The following NR6A1 variants were observed in gnomAD, a reference collection of about 807,000 sequenced individuals.
NR6A1 encodes the protein retinoic acid receptor-related testis-associated receptor.
Under a neutral mutation model 59.1 loss-of-function variants are expected in NR6A1, and 7 were observed. The observed-to-expected ratio is 0.12, with a 90% CI of 0.07 to 0.22. The LOEUF (loss-of-function observed/expected upper bound fraction) is 0.22. Ranked by LOEUF, NR6A1 falls within the 10% of genes least tolerant of loss-of-function variation. The pLI, the probability that NR6A1 is intolerant of heterozygous loss-of-function variation, is 1.00. For synonymous variants in NR6A1, 243 were observed against 236.1 expected, an observed-to-expected ratio of 1.03 and a Z score of -0.27; for missense variants, 468 against 611.6, an observed-to-expected ratio of 0.77 and a Z score of 2.48.
At chr9:124,569,183 G>A (rs1834367213) in intron 2 of NR6A1, among the ~76,000 whole-genome samples, 1 of 152,134 alleles carries the variant, frequency 6.6e-6, no homozygotes, top group Admixed American at 6.6e-5. Flanking sequence ...AGAAATGACA[G>A]GAGTCACAAC....
chr9:124,720,688 G>C (rs1268292795), intron 2 of NR6A1, among the ~76,000 whole-genome samples: 2 of 152,138 alleles, frequency 1.3e-5, no homozygotes, highest in South Asian at 2.1e-4. Flanking sequence ...GCAAAGAGTG[G>C]TCCCGGTTGA....
intron 1 of NR6A1, among the ~76,000 whole-genome samples, chr9:124,759,547 A>C (rs1275980794): frequency 6.6e-6 from 1 of 152,238 alleles, no homozygotes; most frequent in Non-Finnish European, 1.5e-5. Context: ...TGAGATAAGC[A>C]AAAGGCTCAT....
intron 2 of NR6A1, among the ~76,000 whole-genome samples, chr9:124,726,488 A>G (rs1419790355): frequency 2.0e-5 from 3 of 152,232 alleles, no homozygotes; most frequent in Admixed American, 1.3e-4. Context: ...CTCACGTTCC[A>G]TGATTGCTTC....
chr9:124,552,519 A>G lies in NR6A1; in HGVS notation c.385+1809T>C, dbSNP rs150748691. ...ATTCATCATCCAGTAAACACAGGGC[A>G]TTCCAACATGTAAACAGCTATGCCA... is the stretch of plus-strand genomic sequence containing the variant. On this transcript the variant is annotated intron_variant, in intron 3 of 9. Coordinates refer to ENST00000487099, the MANE Select transcript of NR6A1 (RefSeq NM_033334.4). Among the ~76,000 whole-genome samples, 401 of 152,346 alleles carry G rather than the reference A, an allele frequency of 2.6e-3. 3 individuals are homozygous for G. Among genetic ancestry groups the G allele is most frequent in the Non-Finnish European group, 4.6e-3 (312 of 68,036 alleles).
rs187699389 is a variant in NR6A1, at chr9:124,725,393, A to T, written c.142+7915T>A. On this transcript the variant is annotated intron_variant, in intron 2 of 9. Coordinates refer to ENST00000487099, the MANE Select transcript of NR6A1 (RefSeq NM_033334.4). ...CTGCTTTATCACACTAAAGGTATTTAAAAAAAAAGAAAAAAAAAAAGCCAA... is the reference window on the plus strand; with the variant it reads ...CTGCTTTATCACACTAAAGGTATTTTAAAAAAAAGAAAAAAAAAAAGCCAA... Among the ~76,000 whole-genome samples, 913 of 150,274 alleles carry T rather than the reference A, an allele frequency of 6.1e-3. 6 individuals are homozygous for T. The highest frequency in any genetic ancestry group is 0.021 in the African/African-American group (837 of 40,210).
intron 1 of NR6A1, among the ~76,000 whole-genome samples, chr9:124,750,410 C>A (rs1840461531): frequency 6.6e-6 from 1 of 152,154 alleles, no homozygotes; most frequent in Non-Finnish European, 1.5e-5. Flanking sequence ...TCCAACATCA[C>A]AAATTGGCTT....
At chr9:124,745,972 A>G (rs1369794148) in intron 1 of NR6A1, among the ~76,000 whole-genome samples, 2 of 143,858 alleles carry the variant, frequency 1.4e-5, no homozygotes, top group Admixed American at 1.4e-4. Context: ...TGGGCGACAG[A>G]GCCAGACTCT....
intron 3 of NR6A1, 71 bp downstream of exon 3, chr9:124,554,257 A>C: frequency 6.2e-7 from 1 of 1,605,888 alleles, no homozygotes; most frequent in African/African-American, 1.3e-5. Context: ...GGAATAAGTA[A>C]CTAAACAGCT....
At chr9:124,717,584 G>C (rs1839440498) in intron 2 of NR6A1, among the ~76,000 whole-genome samples, 1 of 152,208 alleles carries the variant, frequency 6.6e-6, no homozygotes, top group Non-Finnish European at 1.5e-5. Flanking sequence ...ACTGGGAAAA[G>C]TAAAAGGGAA....
At chr9:124,558,768 G>A (rs923203627) in intron 2 of NR6A1, among the ~76,000 whole-genome samples, 2 of 151,898 alleles carry the variant, frequency 1.3e-5, no homozygotes, top group Non-Finnish European at 2.9e-5. Context: ...TTTGGCCACA[G>A]CAAGGTAAAT....
chr9:124,770,830 A>C (rs879721296), intron 1 of NR6A1, among the ~76,000 whole-genome samples, 190 bp downstream of exon 1: 11 of 150,908 alleles, frequency 7.3e-5, no homozygotes, highest in Non-Finnish European at 1.6e-4. Flanking sequence ...AGGAGGATCC[A>C]CCCTGAGCGA....
intron 2 of NR6A1, among the ~76,000 whole-genome samples, chr9:124,731,185 T>A (rs1313785339): frequency 1.3e-5 from 2 of 151,936 alleles, no homozygotes; most frequent in Non-Finnish European, 2.9e-5. Context: ...ACCTGACCAA[T>A]ATGGTGAAAC....
intron 1 of NR6A1, among the ~76,000 whole-genome samples, chr9:124,766,187 TA>T (rs1238830995): frequency 1.3e-5 from 2 of 152,250 alleles, no homozygotes; most frequent in African/African-American, 4.8e-5. Flanking sequence ...TGCTCATTTT[TA>T]ATAATTCTGG....
chr9:124,609,368 C>A (rs921263945), intron 2 of NR6A1, among the ~76,000 whole-genome samples: 4 of 152,130 alleles, frequency 2.6e-5, no homozygotes, highest in African/African-American at 9.7e-5. Flanking sequence ...AATAGGGAAA[C>A]CTTTCCCCAC....
intron 1 of NR6A1, among the ~76,000 whole-genome samples, chr9:124,738,355 G>A (rs1182316314): frequency 2.6e-5 from 4 of 152,024 alleles, no homozygotes; most frequent in Non-Finnish European, 5.9e-5. Context: ...ATATTAAACA[G>A]ATCAGGAAAT....
chr9:124,684,175 C>T (rs1484316820), intron 2 of NR6A1, among the ~76,000 whole-genome samples: 1 of 152,186 alleles, frequency 6.6e-6, no homozygotes, highest in Non-Finnish European at 1.5e-5. Flanking sequence ...CCTTACCCAT[C>T]CAGCATTTCT....
chr9:124,617,577 T>C (rs569397803), intron 2 of NR6A1, among the ~76,000 whole-genome samples: 5 of 152,230 alleles, frequency 3.3e-5, no homozygotes, highest in South Asian at 2.1e-4. Context: ...TTGGAAACTA[T>C]AGAAAGCTTT....
rs185777725 is a variant in NR6A1, at chr9:124,734,910, T to G, written c.101-1561A>C. ...CAGGCTAGAGTGCAGTGATGCAATC[T>G]CAGCTCACTGCAACCTCCGCGCCTC... On this transcript the variant is annotated intron_variant, in intron 1 of 9. Coordinates refer to ENST00000487099, the MANE Select transcript of NR6A1 (RefSeq NM_033334.4). Among the ~76,000 whole-genome samples the G allele has an allele frequency of 9.9e-5, 15 of 151,606 alleles. No individual in the cohort carries two copies. In the East Asian group the frequency reaches 2.8e-3, roughly 28 times the overall value.
chr9:124,529,734 T>C (rs529079974), intron 7 of NR6A1, among the ~76,000 whole-genome samples: 1 of 152,296 alleles, frequency 6.6e-6, no homozygotes, highest in South Asian at 2.1e-4. Flanking sequence ...ATGTCAGGTC[T>C]GCTACAGTGC....
Sources: allele counts gnomAD v4.1 joint callset (sites outside exome capture counted in the v4.1 genomes callset), GRCh38; gene constraint gnomAD v4.1.1; transcripts MANE v1.5; gene names NCBI Gene and HGNC (gene_info 2026-07-23, HGNC 2026-07-21).